FRMD4A: variants seen among roughly 807,000 people sequenced by gnomAD.
FRMD4A encodes the protein FERM domain-containing protein 4A.
A neutral mutation model predicts 129.1 loss-of-function variants in FRMD4A; 29 were observed. The ratio of observed to expected loss-of-function variants is 0.22; its 90% CI spans 0.17 to 0.31. The LOEUF is 0.31. FRMD4A is among the 10% of genes least tolerant of loss of function. FRMD4A has a pLI of 1.00. For synonymous variants in FRMD4A, 634 were observed against 571.6 expected, an observed-to-expected ratio of 1.11 and a Z score of -1.56; for missense variants, 1,272 against 1,375.8, an observed-to-expected ratio of 0.92 and a Z score of 1.19.
At chr10:14,238,572 TTG>T (rs762534534) in intron 2 of FRMD4A, among the ~76,000 whole-genome samples, 5 of 152,194 alleles carry the variant, frequency 3.3e-5, no homozygotes, top group Non-Finnish European at 5.9e-5. Context: ...ACGTGCAGGT[TTG>T]TTACATAGGT....
chr10:13,968,191 C>T (rs1371447731), intron 2 of FRMD4A, among the ~76,000 whole-genome samples: 3 of 152,196 alleles, frequency 2.0e-5, no homozygotes, highest in Non-Finnish European at 4.4e-5. Flanking sequence ...TCAACTAAAT[C>T]AGAACCGCTG....
At chr10:14,299,536 T>C (rs1036811651) in intron 2 of FRMD4A, among the ~76,000 whole-genome samples, 3 of 152,226 alleles carry the variant, frequency 2.0e-5, no homozygotes, top group Admixed American at 6.5e-5. Context: ...TTGAGTAATT[T>C]GTCTGTTGTC....
intron 14 of FRMD4A, among the ~76,000 whole-genome samples, chr10:13,699,224 G>GTTTTTTTTTTTTTTT (rs1168489802): frequency 4.9e-4 from 37 of 76,256 alleles, no homozygotes; most frequent in East Asian, 3.1e-3. Flanking sequence ...CTTGGTTATT[G>GTTTTTTTTTTTTTTT]TTTTTTTTTT....
At chr10:14,288,211 G>C (rs958122297) in intron 2 of FRMD4A, among the ~76,000 whole-genome samples, 4 of 152,092 alleles carry the variant, frequency 2.6e-5, no homozygotes, top group African/African-American at 9.7e-5. Context: ...TCATAACAAA[G>C]TTCACAGTCG....
chr10:13,677,555 A>G (rs2084110800), intron 15 of FRMD4A, among the ~76,000 whole-genome samples: 1 of 152,206 alleles, frequency 6.6e-6, no homozygotes, highest in Admixed American at 6.5e-5. Context: ...CTCAGGTACT[A>G]AATCCATATA....
intron 2 of FRMD4A, among the ~76,000 whole-genome samples, chr10:14,290,383 C>T (rs932358214): frequency 1.3e-5 from 2 of 151,944 alleles, no homozygotes; most frequent in African/African-American, 2.4e-5. Flanking sequence ...AACAGACATA[C>T]ATACCAATGG....
At chr10:13,874,360 C>T (rs2094469582) in intron 2 of FRMD4A, among the ~76,000 whole-genome samples, 1 of 151,880 alleles carries the variant, frequency 6.6e-6, no homozygotes, top group Non-Finnish European at 1.5e-5. Context: ...CACTCTCTCC[C>T]CAAAATAAAT....
intron 12 of FRMD4A, among the ~76,000 whole-genome samples, chr10:13,728,937 T>C (rs964099485): frequency 7.5e-4 from 114 of 152,264 alleles, no homozygotes; most frequent in African/African-American, 2.7e-3. Flanking sequence ...TGTCTGATAT[T>C]GGTGATTTGA....
chr10:14,173,024 G>T (rs1841554466), intron 2 of FRMD4A, among the ~76,000 whole-genome samples: 1 of 151,168 alleles, frequency 6.6e-6, no homozygotes, highest in Non-Finnish European at 1.5e-5. Context: ...TCATTAACCA[G>T]CAGGAAAAAA....
intron 2 of FRMD4A, among the ~76,000 whole-genome samples, chr10:13,952,430 G>A (rs1251800095): frequency 2.6e-5 from 4 of 152,100 alleles, no homozygotes; most frequent in Non-Finnish European, 4.4e-5. Context: ...GAGCCCAGGA[G>A]TTGGAGGCTG....
intron 15 of FRMD4A, among the ~76,000 whole-genome samples, chr10:13,688,509 C>T (rs911417368): frequency 1.3e-5 from 2 of 151,660 alleles, no homozygotes; most frequent in Non-Finnish European, 2.9e-5. Flanking sequence ...CAAACCTGCA[C>T]CTTGTGCACA....
chr10:13,814,580 C>CAAAAAAAAAAAAA (rs553044764), intron 3 of FRMD4A, among the ~76,000 whole-genome samples: 3 of 41,392 alleles, frequency 7.2e-5, no homozygotes, highest in African/African-American at 8.8e-5. Context: ...GACCCTGTTT[C>CAAAAAAAAAAAAA]AAAAAAAAAA....
At chr10:14,154,423 T>G (rs34115787) in intron 2 of FRMD4A, among the ~76,000 whole-genome samples, 12,803 of 152,248 alleles carry the variant, frequency 0.084, 556 homozygotes, top group Middle Eastern at 0.14. Flanking sequence ...TTTAAATGTA[T>G]GATGTATGGA....
intron 3 of FRMD4A, among the ~76,000 whole-genome samples, chr10:13,812,790 C>T (rs573260679): frequency 3.3e-5 from 5 of 152,198 alleles, no homozygotes; most frequent in African/African-American, 4.8e-5. Context: ...GAGAACCCAA[C>T]GTGATAAATC....
chr10:13,920,363 G>A (rs1019886523), intron 2 of FRMD4A, among the ~76,000 whole-genome samples: 1 of 152,160 alleles, frequency 6.6e-6, no homozygotes. Flanking sequence ...TGAGGTTCTT[G>A]AACTGAATGC....
chr10:14,128,725 A>G (rs2131824193), intron 2 of FRMD4A, among the ~76,000 whole-genome samples: 1 of 152,308 alleles, frequency 6.6e-6, no homozygotes, highest in South Asian at 2.1e-4. Flanking sequence ...TGTAGGTTGC[A>G]AAGCACCACA....
intron 5 of FRMD4A, among the ~76,000 whole-genome samples, chr10:13,787,877 GAA>G (rs35463521): frequency 0.046 from 6,803 of 146,400 alleles, 393 homozygotes; most frequent in African/African-American, 0.14. Flanking sequence ...CAAAAAAAAA[GAA>G]AAAAAAAAAA....
At chr10:13,922,765 T>G (rs926092849) in intron 2 of FRMD4A, among the ~76,000 whole-genome samples, 1 of 151,964 alleles carries the variant, frequency 6.6e-6, no homozygotes, top group African/African-American at 2.4e-5. Flanking sequence ...CTTTGTAAAT[T>G]TTTTTTTCTC....
At chr10:14,090,286 G>A (rs1836585934) in intron 2 of FRMD4A, among the ~76,000 whole-genome samples, 1 of 152,216 alleles carries the variant, frequency 6.6e-6, no homozygotes, top group African/African-American at 2.4e-5. Flanking sequence ...AATACTTCAT[G>A]TAGATCTGTG....
Sources: allele counts gnomAD v4.1 joint callset (sites outside exome capture counted in the v4.1 genomes callset), GRCh38; gene constraint gnomAD v4.1.1; transcripts MANE v1.5; gene names NCBI Gene and HGNC (gene_info 2026-07-23, HGNC 2026-07-21).